Variants in PRKN observed in about 807,000 individuals in gnomAD.
PRKN encodes the protein parkin RBR E3 ubiquitin protein ligase, also known as E3 ubiquitin-protein ligase parkin.
A neutral mutation model predicts 59.5 loss-of-function variants in PRKN; 56 were observed. The ratio of observed to expected loss-of-function variants is 0.94; its 90% CI spans 0.76 to 1.18. PRKN has a LOEUF of 1.18. Ranked by LOEUF, PRKN falls within the 50% of genes most tolerant of loss-of-function variation. The pLI is 0.00. For synonymous variants in PRKN, 250 were observed against 222.1 expected (o/e 1.13, Z -1.12); for missense variants, 657 against 596.4 (o/e 1.10, Z -1.06).
intron 7 of PRKN, among the ~76,000 whole-genome samples, chr6:161,596,691 T>C (rs1781926295): frequency 6.6e-6 from 1 of 152,148 alleles, no homozygotes; most frequent in Non-Finnish European, 1.5e-5. Context: ...TGCATTTCTG[T>C]CTGGAAGGAG....
chr6:162,255,040 T>A (rs1779587334), intron 3 of PRKN, among the ~76,000 whole-genome samples: 1 of 150,842 alleles, frequency 6.6e-6, no homozygotes, highest in African/African-American at 2.4e-5. Flanking sequence ...GTGGAGGTGA[T>A]CAAACTTTAA....
chr6:161,726,344 A>C (rs955957386), intron 7 of PRKN, among the ~76,000 whole-genome samples: 3 of 152,240 alleles, frequency 2.0e-5, no homozygotes, highest in African/African-American at 7.2e-5. Context: ...GAGTAAATCT[A>C]TAACAAGACA....
At chr6:162,491,109 A>AT (rs1416223136) in intron 1 of PRKN, among the ~76,000 whole-genome samples, 1 of 151,230 alleles carries the variant, frequency 6.6e-6, no homozygotes, top group East Asian at 2.0e-4. Flanking sequence ...GTCTCAGAAA[A>AT]AAAAAAAAAA....
At chr6:162,461,531 A>G (rs1791175924) in intron 1 of PRKN, among the ~76,000 whole-genome samples, 1 of 147,224 alleles carries the variant, frequency 6.8e-6, no homozygotes, top group Non-Finnish European at 1.5e-5. Context: ...AAAAAAAAGA[A>G]AGAAAAAGAA....
At chr6:161,785,482 G>A (rs1790375058) in intron 7 of PRKN, among the ~76,000 whole-genome samples, 1 of 152,124 alleles carries the variant, frequency 6.6e-6, no homozygotes. Context: ...CTAGAACATG[G>A]AGAGTGACTC....
chr6:161,875,085 G>C (rs866460681), intron 6 of PRKN, among the ~76,000 whole-genome samples: 1 of 84,820 alleles, frequency 1.2e-5, no homozygotes, highest in Non-Finnish European at 2.1e-5. Context: ...AAGTATATAT[G>C]ATATATTATA....
At chr6:162,344,008 A>C (rs1396204223) in intron 2 of PRKN, among the ~76,000 whole-genome samples, 1 of 152,202 alleles carries the variant, frequency 6.6e-6, no homozygotes, top group Non-Finnish European at 1.5e-5. Context: ...CACAGTGATG[A>C]CAGAGCTATG....
chr6:161,772,435 G>A (rs908259405), intron 7 of PRKN, among the ~76,000 whole-genome samples: 5 of 152,120 alleles, frequency 3.3e-5, no homozygotes, highest in Non-Finnish European at 7.3e-5. Context: ...AGTCAGCTTC[G>A]TTTAGGTGAT....
At chr6:161,924,387 T>C (rs1778893665) in intron 6 of PRKN, among the ~76,000 whole-genome samples, 1 of 152,194 alleles carries the variant, frequency 6.6e-6, no homozygotes, top group African/African-American at 2.4e-5. Context: ...GTATTTTCTA[T>C]TTGTTTCCTC....
At chr6:161,449,023 G>C (rs1235376566) in intron 9 of PRKN, among the ~76,000 whole-genome samples, 1 of 152,184 alleles carries the variant, frequency 6.6e-6, no homozygotes, top group Non-Finnish European at 1.5e-5. Context: ...CTTACTTACA[G>C]GTGTTATGAA....
intron 4 of PRKN, among the ~76,000 whole-genome samples, chr6:162,152,694 C>T (rs1264049542): frequency 6.6e-6 from 1 of 152,252 alleles, no homozygotes; most frequent in African/African-American, 2.4e-5. Context: ...AGACCAATTT[C>T]CCAATATTGT....
chr6:161,682,779 G>A (rs747108633), intron 7 of PRKN, among the ~76,000 whole-genome samples: 14 of 152,176 alleles, frequency 9.2e-5, no homozygotes, highest in Non-Finnish European at 1.6e-4. Context: ...GGCGAGAGGA[G>A]CAGAACATGG....
At chr6:162,389,579 T>C (rs1223796877) in intron 2 of PRKN, among the ~76,000 whole-genome samples, 1 of 152,224 alleles carries the variant, frequency 6.6e-6, no homozygotes, top group Non-Finnish European at 1.5e-5. Flanking sequence ...ATTTTAATCA[T>C]TTACCAATTT....
intron 2 of PRKN, among the ~76,000 whole-genome samples, chr6:162,330,252 C>G (rs1362247034): frequency 1.3e-5 from 2 of 152,120 alleles, no homozygotes; most frequent in African/African-American, 4.8e-5. Context: ...TGTGGGGTCT[C>G]TGCATTTTTT....
rs538040609 is a variant in PRKN, at chr6:161,783,588, A to T, written c.871+2184T>A. 256 of 485,418 alleles carry T rather than the reference A, an allele frequency of 5.3e-4. 1 individual carries two copies. The highest frequency in any genetic ancestry group is 7.1e-4 in the Non-Finnish European group (180 of 252,818). The allele number at this position is 485,418 out of a possible 1,614,324, so 30.1% of individuals were successfully genotyped here. On this transcript the variant is annotated intron_variant, in intron 7 of 11. Transcript: ENST00000366898. The stretch of plus-strand genomic sequence containing the variant: ...ATTAAAAGAAAATGGGTTCAAAATG[A>T]ACTGATAACTAAAAAGATAGAGTGT...
Position 161,471,244 on chromosome 6 carries a change from C to T in PRKN, c.1083+77610G>A, listed in dbSNP as rs1790778403. ...TTAGAAAAATGCTCTTTCAAAAAGC[C>T]TAGAAAGAAATATAGCCAAACATTA... On this transcript the variant is annotated intron_variant, in intron 9 of 11. Transcript: ENST00000366898. This position sits in a 1 kb window ranked among gnomAD's most constrained non-coding sequence, Gnocchi z 4.5. 6.6e-6 allele frequency among the ~76,000 whole-genome samples: 1 copy of T among 152,068 alleles called. No homozygotes were observed. Among genetic ancestry groups the T allele is most frequent in the Admixed American group, 6.6e-5 (1 of 15,264 alleles).
chr6:162,335,403 C>T (rs1783797105), intron 2 of PRKN, among the ~76,000 whole-genome samples: 1 of 152,030 alleles, frequency 6.6e-6, no homozygotes, highest in Non-Finnish European at 1.5e-5. Flanking sequence ...ACAGTGTAAA[C>T]ATAACTTTTA....
chr6:162,554,498 A>T (rs1473532432), intron 1 of PRKN, among the ~76,000 whole-genome samples: 2 of 152,148 alleles, frequency 1.3e-5, no homozygotes, highest in Admixed American at 6.5e-5. Flanking sequence ...GCAAAACTCC[A>T]TCTCTAAATA....
At chr6:162,392,507 C>T (rs1787254653) in intron 2 of PRKN, among the ~76,000 whole-genome samples, 1 of 152,142 alleles carries the variant, frequency 6.6e-6, no homozygotes, top group Non-Finnish European at 1.5e-5. Context: ...TCACTCAAGT[C>T]TAGTCCAGTA....
Sources: allele counts gnomAD v4.1 joint callset (sites outside exome capture counted in the v4.1 genomes callset), GRCh38; gene constraint gnomAD v4.1.1; non-coding constraint Gnocchi (gnomAD v3.1); transcripts MANE v1.5; gene names NCBI Gene and HGNC (gene_info 2026-07-23, HGNC 2026-07-21).